The following TMEM243 variants were observed in gnomAD, a reference collection of about 807,000 sequenced individuals.
The protein encoded by TMEM243 is MDR1 and mitochondrial taxol resistance associated.
TMEM243 carries 20 observed loss-of-function variants against 15.0 expected under a neutral mutation model. The observed-to-expected ratio is 1.33, with a 90% CI of 0.94 to 1.93. TMEM243 has a LOEUF of 1.93. TMEM243 is among the 30% of genes most tolerant of loss of function. The pLI, the probability that TMEM243 is intolerant of heterozygous loss-of-function variation, is 0.00. For missense variants in TMEM243, 156 were observed against 142.1 expected, an observed-to-expected ratio of 1.10 and a Z score of -0.50; for synonymous variants, 72 against 52.7, an observed-to-expected ratio of 1.37 and a Z score of -1.59.
chr7:87,209,667 AGAGCGAGAGC>A (rs1802525393), intron 1 of TMEM243, among the ~76,000 whole-genome samples: 1 of 2,006 alleles, frequency 5.0e-4, no homozygotes, highest in Non-Finnish European at 7.6e-4. Context: ...AGAGCGAGAG[AGAGCGAGAGC>A]GAGACACAGC....
At chr7:87,211,973 C>T (rs1158142484) in intron 1 of TMEM243, among the ~76,000 whole-genome samples, 1 of 152,242 alleles carries the variant, frequency 6.6e-6, no homozygotes, top group African/African-American at 2.4e-5. Flanking sequence ...TGGGCACACC[C>T]ACCCTTTACA....
At chr7:87,200,045 A>G (rs192003167) in intron 1 of TMEM243, among the ~76,000 whole-genome samples, 2 of 152,314 alleles carry the variant, frequency 1.3e-5, no homozygotes, top group African/African-American at 4.8e-5. Context: ...GGACACAGGA[A>G]CAATCACAGA....
At chr7:87,219,961 G>A (rs529006585), upstream of TMEM243, among the ~76,000 whole-genome samples, 3 of 152,248 alleles carry the variant, frequency 2.0e-5, no homozygotes, top group Admixed American at 2.0e-4. Context: ...AATTTCCCAT[G>A]TTTTCCCAAT....
chr7:87,203,999 T>A (rs1802017352), intron 1 of TMEM243, among the ~76,000 whole-genome samples: 1 of 152,202 alleles, frequency 6.6e-6, no homozygotes, highest in African/African-American at 2.4e-5. Context: ...CCAGGTAGTT[T>A]GTAAAGAAAA....
At position 87,196,551 on chromosome 7, in the gene TMEM243, TCTTCAGCATA is replaced by T; in HGVS notation, c.*75_*84del. On this transcript the variant is annotated 3_prime_UTR_variant, in exon 4 of 4. Coordinates refer to ENST00000257637, the MANE Select transcript of TMEM243 (RefSeq NM_024315.4). ...CATGTATCAGACTTCTGCAGGAGATTCTTCAGCATACCTTATCCAAAAATTACTCACTGTC... is the reference window on the plus strand; with the variant it reads ...CATGTATCAGACTTCTGCAGGAGATTCCTTATCCAAAAATTACTCACTGTC... The T allele has an allele frequency of 7.5e-7, 1 of 1,338,346 alleles. No individual in the cohort carries two copies. The highest frequency in any genetic ancestry group is 2.5e-5 in the Admixed American group (1 of 40,148). 82.9% of individuals were successfully genotyped at this position (1,338,346 alleles called of 1,614,324 possible).
chr7:87,209,421 TGAAA>T (rs1455871890), intron 1 of TMEM243, among the ~76,000 whole-genome samples: 1 of 135,252 alleles, frequency 7.4e-6, no homozygotes, highest in Non-Finnish European at 1.6e-5. Context: ...AGAGCGAGAG[TGAAA>T]GAGAGTGAGA....
At position 87,209,789 on chromosome 7, in the gene TMEM243, A is replaced by G. The variant is rs1437048824; in HGVS notation, c.78+9637T>C. Among the ~76,000 whole-genome samples, 4 of 146,786 alleles carry G rather than the reference A, an allele frequency of 2.7e-5. No homozygotes were observed. In the East Asian group the frequency reaches 8.0e-4, roughly 29 times the overall value. ...GAGAGCGAGACAGAGCGAGACAGTG[A>G]GAGCGAGACAGAGCGAGAGACAGTG... On this transcript the variant is annotated intron_variant, in intron 1 of 3. Transcript: ENST00000257637.
At chr7:87,199,897 A>G (rs1160524718) in intron 1 of TMEM243, among the ~76,000 whole-genome samples, 2 of 152,220 alleles carry the variant, frequency 1.3e-5, no homozygotes, top group African/African-American at 4.8e-5. Flanking sequence ...TGATAGTGAC[A>G]TGCAGTCTTA....
At chr7:87,200,581 GAC>G (rs1465429477) in intron 1 of TMEM243, among the ~76,000 whole-genome samples, 2 of 152,136 alleles carry the variant, frequency 1.3e-5, no homozygotes, top group Admixed American at 6.5e-5. Context: ...ATTGCCAAAT[GAC>G]ACACAGCAAG....
rs1004706429 is a variant in TMEM243, at chr7:87,213,280, G to C, written c.78+6146C>G. ...TCCACTGATCTAGGGGTGGAAGAGA[G>C]AAAACTTAGAGTACTAAAGAAAAAG... On this transcript the variant is annotated intron_variant, in intron 1 of 3. Transcript: ENST00000257637. 2.6e-5 allele frequency among the ~76,000 whole-genome samples: 4 copies of C among 152,104 alleles called. No homozygotes were observed. The East Asian group carries it at 5.8e-4, about 22-fold the overall frequency.
intron 3 of TMEM243, among the ~76,000 whole-genome samples, chr7:87,197,015 T>G (rs1441329639): frequency 1.3e-5 from 2 of 152,124 alleles, no homozygotes; most frequent in African/African-American, 4.8e-5. Context: ...ACCAGTCATC[T>G]GGCAAGCTAT....
At chr7:87,201,953 T>G (rs1017655572) in intron 1 of TMEM243, among the ~76,000 whole-genome samples, 1 of 152,176 alleles carries the variant, frequency 6.6e-6, no homozygotes. Context: ...GATACAGATT[T>G]AGGATTTCCT....
At chr7:87,209,517 TGAGA>T (rs760169369) in intron 1 of TMEM243, among the ~76,000 whole-genome samples, 1,381 of 64,874 alleles carry the variant, frequency 0.021, 18 homozygotes, top group African/African-American at 0.072. Context: ...AGAAAGACAG[TGAGA>T]GAGAGAGTGA....
chr7:87,198,679 A>C (rs1299081711), intron 2 of TMEM243: 3 of 373,184 alleles, frequency 8.0e-6, no homozygotes, highest in Non-Finnish European at 1.5e-5. Flanking sequence ...AGGGTAATGG[A>C]TATGTTCTTC....
intron 3 of TMEM243, chr7:87,197,566 GTGCTCTATC>G: frequency 2.4e-6 from 1 of 409,262 alleles, no homozygotes; most frequent in East Asian, 4.1e-5. Context: ...TAAATCCAGA[GTGCTCTATC>G]TCTTCCCTTA....
At chr7:87,215,388 G>C (rs994109887) in intron 1 of TMEM243, among the ~76,000 whole-genome samples, 3 of 152,062 alleles carry the variant, frequency 2.0e-5, no homozygotes, top group Non-Finnish European at 4.4e-5. Flanking sequence ...ACAGGCCTGA[G>C]CCACCATGCC....
At chr7:87,205,393 A>AT (rs537145767) in intron 1 of TMEM243, among the ~76,000 whole-genome samples, 5 of 150,708 alleles carry the variant, frequency 3.3e-5, no homozygotes, top group Admixed American at 6.6e-5. Flanking sequence ...CTCCTTAGGA[A>AT]TTTTTTTTGT....
At chr7:87,219,305 G>T (rs1168776861) in intron 1 of TMEM243, 121 bp downstream of exon 1, 8 of 883,112 alleles carry the variant, frequency 9.1e-6, no homozygotes, top group Non-Finnish European at 1.5e-5. Flanking sequence ...TGGGATTGCA[G>T]AACCAGCTTC....
chr7:87,219,031 G>A (rs533945434), intron 1 of TMEM243, among the ~76,000 whole-genome samples: 254 of 152,076 alleles, frequency 1.7e-3, no homozygotes, highest in African/African-American at 5.9e-3. Flanking sequence ...ATGTAAACAG[G>A]AATCAGAAGC....
Sources: gnomAD v4.1 joint callset for allele counts (sites outside exome capture counted in the v4.1 genomes callset) on GRCh38, gnomAD v4.1.1 for gene constraint, MANE v1.5 for transcripts, NCBI Gene and HGNC (gene_info 2026-07-23, HGNC 2026-07-21) for gene names.